Variants in SLC17A8 observed in about 807,000 individuals in gnomAD.
SLC17A8 encodes solute carrier family 17 member 8, also known as vesicular glutamate transporter 3.
A neutral mutation model predicts 58.0 loss-of-function variants in SLC17A8; 31 were observed. The observed-to-expected ratio is 0.53, with a 90% CI of 0.40 to 0.72. SLC17A8 has a LOEUF of 0.72. Ranked by LOEUF, SLC17A8 falls within the 30% of genes least tolerant of loss-of-function variation. The pLI is 0.00. For missense variants in SLC17A8, 655 were observed against 727.8 expected (o/e 0.90, Z 1.15); for synonymous variants, 228 against 249.0 (o/e 0.92, Z 0.79).
intron 2 of SLC17A8, among the ~76,000 whole-genome samples, chr12:100,390,294 C>T (rs1049439931): frequency 6.6e-6 from 1 of 151,764 alleles, no homozygotes. Flanking sequence ...TAAATTTGTA[C>T]ATAATCTCTT....
intron 3 of SLC17A8, 137 bp from the exon 4 acceptor site, chr12:100,393,232 G>A: frequency 1.6e-6 from 1 of 639,520 alleles, no homozygotes; most frequent in Admixed American, 2.1e-5. Context: ...CCAAAGTGCT[G>A]GGATTACAGG....
Position 100,380,742 on chromosome 12 carries a change from T to C in SLC17A8, c.143T>C (p.Leu48Pro), listed in dbSNP as rs781193588. Residue 48 changes from leucine to proline, a missense_variant, in exon 2 of 12, where the codon CTG (leucine) becomes CCG (proline). Physicochemically the swap from Leu to Pro is moderately conservative, Grantham distance 98. Coordinates refer to ENST00000323346, the MANE Select transcript of SLC17A8 (RefSeq NM_139319.3). ...ACTGAGGAAGAAGATAACATTGAGC[T>C]GAATGAAGAAGGAAGGCCGGTGCAG... The part of the protein sequence containing the change: ...GTTEEEDNIE[L>P]NEEGRPVQTS... The C allele has an allele frequency of 2.5e-6, 4 of 1,614,110 alleles. No individual in the cohort carries two copies. The highest frequency in any genetic ancestry group is 2.5e-6 in the Non-Finnish European group (3 of 1,180,006).
chr12:100,409,695 G>A (rs1952852988), intron 9 of SLC17A8, among the ~76,000 whole-genome samples: 1 of 152,114 alleles, frequency 6.6e-6, no homozygotes, highest in Non-Finnish European at 1.5e-5. Context: ...ATTTAATCTG[G>A]ACTTTAAAAA....
intron 4 of SLC17A8, among the ~76,000 whole-genome samples, chr12:100,395,368 C>T (rs904797142): frequency 3.3e-5 from 5 of 150,574 alleles, no homozygotes; most frequent in Admixed American, 6.6e-5. Flanking sequence ...ACTGTGTCAC[C>T]GAGGCTGGAG....
At chr12:100,379,117 G>C (rs1449679880) in intron 1 of SLC17A8, among the ~76,000 whole-genome samples, 1 of 152,184 alleles carries the variant, frequency 6.6e-6, no homozygotes, top group Non-Finnish European at 1.5e-5. Flanking sequence ...ACTTGTGCCG[G>C]AAATTTGATT....
intron 2 of SLC17A8, among the ~76,000 whole-genome samples, chr12:100,384,046 T>C (rs1236778907): frequency 1.3e-5 from 2 of 152,186 alleles, no homozygotes; most frequent in African/African-American, 2.4e-5. Flanking sequence ...TGTGAACTCT[T>C]AGAAAAGTGT....
intron 5 of SLC17A8, among the ~76,000 whole-genome samples, chr12:100,399,513 G>C (rs1952776083): frequency 6.6e-6 from 1 of 152,096 alleles, no homozygotes; most frequent in Admixed American, 6.6e-5. Flanking sequence ...CTGCATGGCT[G>C]GGGAGGCCTC....
At chr12:100,363,637 G>A (rs1318651450) in intron 1 of SLC17A8, among the ~76,000 whole-genome samples, 18 of 152,052 alleles carry the variant, frequency 1.2e-4, no homozygotes, top group East Asian at 2.0e-4. Context: ...AAATGCTGGC[G>A]TTACAGGTGC....
intron 11 of SLC17A8, 110 bp downstream of exon 11, chr12:100,418,266 C>T (rs1593009874): frequency 2.2e-6 from 3 of 1,365,000 alleles, no homozygotes; most frequent in South Asian, 2.4e-5. Flanking sequence ...TGTCCTTGAC[C>T]TTGACTGAGT....
intron 3 of SLC17A8, among the ~76,000 whole-genome samples, chr12:100,392,255 T>C (rs536712316): frequency 1.3e-5 from 2 of 152,110 alleles, no homozygotes; most frequent in South Asian, 4.2e-4. Context: ...AACAATATAA[T>C]GATTTACCAA....
intron 1 of SLC17A8, among the ~76,000 whole-genome samples, chr12:100,362,373 T>A (rs1262259333): frequency 6.6e-6 from 1 of 152,108 alleles, no homozygotes; most frequent in Non-Finnish European, 1.5e-5. Flanking sequence ...CTGCCTGGGC[T>A]AGTTTTATTT....
chr12:100,364,731 C>A (rs1476471909), intron 1 of SLC17A8, among the ~76,000 whole-genome samples: 1 of 152,208 alleles, frequency 6.6e-6, no homozygotes, highest in Non-Finnish European at 1.5e-5. Context: ...CTTTAAATGT[C>A]CCCTGACCTC....
At chr12:100,364,748 G>A (rs933807796) in intron 1 of SLC17A8, among the ~76,000 whole-genome samples, 17 of 152,132 alleles carry the variant, frequency 1.1e-4, no homozygotes, top group African/African-American at 3.4e-4. Flanking sequence ...CCTCCAGTGA[G>A]GTCATTCACC....
At chr12:100,394,157 A>G (rs1415706660) in intron 4 of SLC17A8, among the ~76,000 whole-genome samples, 1 of 152,190 alleles carries the variant, frequency 6.6e-6, no homozygotes, top group South Asian at 2.1e-4. Flanking sequence ...CTATACAAAA[A>G]CAGATGGTGA....
chr12:100,403,466 C>CT (rs1379775398), intron 8 of SLC17A8, among the ~76,000 whole-genome samples: 5 of 145,442 alleles, frequency 3.4e-5, no homozygotes, highest in African/African-American at 1.3e-4. Context: ...AAGACTCTGT[C>CT]TAAAAAAAAA....
Position 100,387,322 on chromosome 12 carries a change from G to A in SLC17A8, c.355-3679G>A, listed in dbSNP as rs560775746. Among the ~76,000 whole-genome samples the A allele has an allele frequency of 3.3e-5, 5 of 152,134 alleles. No homozygotes were observed. The South Asian group carries it at 1.0e-3, about 31-fold the overall frequency. ...AGGTATAAAGTGACGTCTTATGGTGGTTTTGATTTGCATTTCCCTGATGGT... is the reference window on the plus strand; with the variant it reads ...AGGTATAAAGTGACGTCTTATGGTGATTTTGATTTGCATTTCCCTGATGGT... On this transcript the variant is annotated intron_variant, in intron 2 of 11. Transcript: ENST00000323346.
chr12:100,407,140 T>G, intron 9 of SLC17A8, among the ~76,000 whole-genome samples: 1 of 152,244 alleles, frequency 6.6e-6, no homozygotes, highest in East Asian at 1.9e-4. Context: ...TAATGCTGCT[T>G]TTTTTCTCCT....
rs578152270 is a variant in SLC17A8, at chr12:100,398,923, A to G, written c.676+2506A>G. 5.3e-5 allele frequency among the ~76,000 whole-genome samples: 8 copies of G among 152,232 alleles called. 1 individual carries two copies. The highest frequency in any genetic ancestry group is 2.6e-4 in the Admixed American group (4 of 15,294). ...CTCTTTGCTTGCCGCCATCCACGTAAGATGTGACTTGCTCTTCTATGCCTT... is the reference window on the plus strand; with the variant it reads ...CTCTTTGCTTGCCGCCATCCACGTAGGATGTGACTTGCTCTTCTATGCCTT... On this transcript the variant is annotated intron_variant, in intron 5 of 11. Transcript: ENST00000323346.
At chr12:100,397,309 G>A (rs1952760530) in intron 5 of SLC17A8, among the ~76,000 whole-genome samples, 3 of 152,184 alleles carry the variant, frequency 2.0e-5, no homozygotes, top group Admixed American at 2.0e-4. Flanking sequence ...CCTGACTGTT[G>A]ATCTGGAACT....
Sources: allele counts gnomAD v4.1 joint callset (sites outside exome capture counted in the v4.1 genomes callset), GRCh38; gene constraint gnomAD v4.1.1; transcripts MANE v1.5; gene names NCBI Gene and HGNC (gene_info 2026-07-23, HGNC 2026-07-21).